PHTF1: variants seen among roughly 807,000 people sequenced by gnomAD.
PHTF1 encodes the protein protein PHTF1.
PHTF1 carries 88 observed loss-of-function variants against 102.4 expected under a neutral mutation model. That is an observed-to-expected ratio of 0.86 (90% CI 0.72 to 1.03). PHTF1 has a LOEUF of 1.03. Ranked by LOEUF, PHTF1 falls within the 50% of genes least tolerant of loss-of-function variation. The probability of loss-of-function intolerance (pLI) is 0.00; values close to 1 mark genes in which losing one functional copy is unlikely to be tolerated. For missense variants in PHTF1, 814 were observed against 909.5 expected (o/e 0.89, Z 1.35); for synonymous variants, 289 against 305.2 (o/e 0.95, Z 0.55).
rs775506290 is a variant in PHTF1 at position 113,712,019 on chromosome 1, C to A, written c.878G>T (p.Ser293Ile). The A allele has an allele frequency of 6.2e-7, 1 of 1,614,004 alleles. No individual in the cohort carries two copies. The highest frequency in any genetic ancestry group is 8.5e-7 in the Non-Finnish European group (1 of 1,179,866). Residue 293 changes from serine to isoleucine, a missense_variant, in exon 9 of 19, where the codon AGT (serine) becomes ATT (isoleucine). Physicochemically the swap from Ser to Ile is moderately radical, Grantham distance 142. Coordinates refer to ENST00000369604, the MANE Select transcript of PHTF1 (RefSeq NM_001323043.2). The stretch of plus-strand genomic sequence containing the variant: ...ATTGTCACTTGAGGCCCCTTCCACA[C>A]TCCTACGCAATAATATCATCTGTGT... The part of the protein sequence containing the change: ...ARTQMILLRR[S>I]VEGASSDNGC...
At chr1:113,736,258 C>T (rs886864407) in intron 5 of PHTF1, among the ~76,000 whole-genome samples, 2 of 150,308 alleles carry the variant, frequency 1.3e-5, no homozygotes, top group Non-Finnish European at 2.9e-5. Context: ...AAGGGAATGG[C>T]GTGAACCCAG....
intron 3 of PHTF1, among the ~76,000 whole-genome samples, chr1:113,754,003 T>G (rs532203275): frequency 6.6e-6 from 1 of 152,234 alleles, no homozygotes; most frequent in Non-Finnish European, 1.5e-5. Flanking sequence ...ATTATAAGTA[T>G]AGTAGCTTGT....
chr1:113,702,770 CAT>C (rs2101090180), intron 15 of PHTF1, among the ~76,000 whole-genome samples: 1 of 152,206 alleles, frequency 6.6e-6, no homozygotes, highest in Non-Finnish European at 1.5e-5. Flanking sequence ...AAAGATATAA[CAT>C]GTAGAAATGA....
chr1:113,741,310 A>T (rs1656313298), intron 3 of PHTF1, among the ~76,000 whole-genome samples: 1 of 152,254 alleles, frequency 6.6e-6, no homozygotes, highest in South Asian at 2.1e-4. Flanking sequence ...AAATTAAAGA[A>T]GGAATCAAAA....
At chr1:113,735,652 C>G (rs1655380506) in intron 5 of PHTF1, among the ~76,000 whole-genome samples, 1 of 152,086 alleles carries the variant, frequency 6.6e-6, no homozygotes, top group Non-Finnish European at 1.5e-5. Context: ...AGCTACTATA[C>G]TGGGCAGCAC....
At chr1:113,712,161 C>T in intron 8 of PHTF1, 48 bp from the exon 9 acceptor site, 1 of 1,470,102 alleles carries the variant, frequency 6.8e-7, no homozygotes, top group Non-Finnish European at 9.3e-7. Flanking sequence ...CCAAAATATT[C>T]TAATAAGCTG....
rs756929426 is a variant in PHTF1 at position 113,699,779 on chromosome 1, C to T, written c.2067G>A (p.Met689Ile). 3.8e-6 allele frequency: 5 copies of T among 1,301,462 alleles called. No homozygotes were observed. In the South Asian group the frequency reaches 5.1e-5, roughly 13 times the overall value. 80.6% of individuals were successfully genotyped at this position (1,301,462 alleles called of 1,614,324 possible). The change falls in exon 17 of 19, where the codon ATG becomes ATA. Residue 689 changes from methionine to isoleucine, a missense_variant. Physicochemically the swap from Met to Ile is conservative, Grantham distance 10. Coordinates refer to ENST00000369604, the MANE Select transcript of PHTF1 (RefSeq NM_001323043.2). ...GTTCTTTCTTATTTGGCTTTTTTTC[C>T]ATCTTAAGATATAAATTAATCTAAG... is the stretch of plus-strand genomic sequence containing the variant. ...LTEQINLYLK[M>I]EKKPNKKEQL...
intron 7 of PHTF1, among the ~76,000 whole-genome samples, chr1:113,722,096 C>T (rs1192750295): frequency 6.6e-6 from 1 of 151,958 alleles, no homozygotes; most frequent in Non-Finnish European, 1.5e-5. Context: ...AAACACCTAG[C>T]AATTAACCAA....
At chr1:113,701,012 T>C in intron 15 of PHTF1, 63 bp from the exon 16 acceptor site, 1 of 1,206,750 alleles carries the variant, frequency 8.3e-7, no homozygotes. Context: ...TAATTACTCT[T>C]TTACTCTGTC....
In PHTF1 at chr1:113,759,456, GC is replaced by G. The variant is rs1419429767; in HGVS notation, c.-465del. ...CGGCAGCGGCGCTCGTCTTCTGCGGGCCGCGCCGGGATGCAGTGACTCAGCC... is the reference window on the plus strand; with the variant it reads ...CGGCAGCGGCGCTCGTCTTCTGCGGGCGCGCCGGGATGCAGTGACTCAGCC... On this transcript the variant is annotated 5_prime_UTR_variant, in exon 1 of 19. Coordinates refer to ENST00000369604, the MANE Select transcript of PHTF1 (RefSeq NM_001323043.2). 10 of 152,544 alleles carry G rather than the reference GC, an allele frequency of 6.6e-5. No individual in the cohort carries two copies. The highest frequency in any genetic ancestry group is 1.3e-4 in the Non-Finnish European group (9 of 68,286). The allele number at this position is 152,544 out of a possible 1,614,324, so 9.4% of individuals were successfully genotyped here.
intron 3 of PHTF1, among the ~76,000 whole-genome samples, chr1:113,744,961 T>TGGAAG (rs887345390): frequency 1.7e-5 from 1 of 59,280 alleles, no homozygotes; most frequent in African/African-American, 6.8e-5. Context: ...AAGAAGGGAA[T>TGGAAG]GGAAGGGAAG....
At chr1:113,735,930 G>A (rs1374501153) in intron 5 of PHTF1, among the ~76,000 whole-genome samples, 1 of 152,094 alleles carries the variant, frequency 6.6e-6, no homozygotes, top group Admixed American at 6.5e-5. Context: ...GGATACAGTC[G>A]TAAAGAGAAT....
chr1:113,747,626 A>T lies in PHTF1; in HGVS notation c.103-8827T>A, dbSNP rs116512933. Among the ~76,000 whole-genome samples the T allele has an allele frequency of 6.2e-3, 939 of 152,338 alleles. 3 individuals carry two copies. Among genetic ancestry groups the T allele is most frequent in the Non-Finnish European group, 9.4e-3 (638 of 68,040 alleles). On this transcript the variant is annotated intron_variant, in intron 3 of 18. Coordinates refer to ENST00000369604, the MANE Select transcript of PHTF1 (RefSeq NM_001323043.2). ...TATAATACAGTACATGTCCTCCCAC[A>T]GCTTTCTGAGAGAGGGAGTATGGGA...
intron 3 of PHTF1, among the ~76,000 whole-genome samples, chr1:113,753,531 G>A (rs978093308): frequency 6.6e-6 from 1 of 151,812 alleles, no homozygotes; most frequent in Non-Finnish European, 1.5e-5. Flanking sequence ...ACACTCAAAC[G>A]ATTCTCCTGC....
intron 15 of PHTF1, 53 bp from the exon 16 acceptor site, chr1:113,701,002 T>C (rs1649381437): frequency 7.8e-7 from 1 of 1,289,472 alleles, no homozygotes; most frequent in African/African-American, 1.5e-5. Context: ...TAAAATCATG[T>C]AATTACTCTT....
intron 5 of PHTF1, among the ~76,000 whole-genome samples, chr1:113,735,098 G>T (rs1010187965): frequency 3.9e-5 from 6 of 151,958 alleles, no homozygotes; most frequent in Admixed American, 1.3e-4. Context: ...AGGTGTGGTG[G>T]CTCACACCTG....
intron 16 of PHTF1, among the ~76,000 whole-genome samples, chr1:113,700,521 T>C (rs1649324357): frequency 6.6e-6 from 1 of 152,164 alleles, no homozygotes; most frequent in Admixed American, 6.5e-5. Flanking sequence ...GAATATGAGA[T>C]TAAAAGCATG....
chr1:113,704,305 T>C (rs1459408288), intron 14 of PHTF1, 138 bp from the exon 15 acceptor site: 1 of 542,264 alleles, frequency 1.8e-6, no homozygotes, highest in Non-Finnish European at 3.3e-6. Flanking sequence ...GATTTTAACA[T>C]ATTTTGGACG....
At chr1:113,723,607 C>T (rs549602492) in intron 7 of PHTF1, among the ~76,000 whole-genome samples, 3 of 152,268 alleles carry the variant, frequency 2.0e-5, no homozygotes, top group East Asian at 3.9e-4. Flanking sequence ...TTATCTCTCA[C>T]CATATGCAAA....
Sources: gnomAD v4.1 joint callset for allele counts (sites outside exome capture counted in the v4.1 genomes callset) on GRCh38, gnomAD v4.1.1 for gene constraint, MANE v1.5 for transcripts, NCBI Gene and HGNC (gene_info 2026-07-23, HGNC 2026-07-21) for gene names.